PZP: variants seen among roughly 807,000 people sequenced by gnomAD.
PZP encodes PZP alpha-2-macroglobulin like.
In PZP, 150 loss-of-function variants were observed where a neutral mutation model predicts 179.8. The ratio of observed to expected loss-of-function variants is 0.83; its 90% CI spans 0.73 to 0.96. The LOEUF is 0.96. PZP is among the 40% of genes least tolerant of loss of function. The pLI is 0.00. For synonymous variants in PZP, 624 were observed against 652.3 expected, an observed-to-expected ratio of 0.96 and a Z score of 0.66; for missense variants, 1,689 against 1,764.0, an observed-to-expected ratio of 0.96 and a Z score of 0.76.
intron 14 of PZP, 105 bp downstream of exon 14, chr12:9,181,870 G>A (rs977491387): frequency 1.6e-6 from 2 of 1,269,404 alleles, no homozygotes; most frequent in South Asian, 1.6e-5. Flanking sequence ...GAACTGTTGG[G>A]CAACTCATTT....
At chr12:9,190,805 A>G (rs749959817) in intron 13 of PZP, among the ~76,000 whole-genome samples, 38 of 152,220 alleles carry the variant, frequency 2.5e-4, no homozygotes, top group Non-Finnish European at 5.0e-4. Context: ...AATAATTTGG[A>G]CAGTATGAAG....
intron 15 of PZP, among the ~76,000 whole-genome samples, chr12:9,174,449 A>G (rs1337628550): frequency 6.6e-6 from 1 of 152,228 alleles, no homozygotes; most frequent in African/African-American, 2.4e-5. Flanking sequence ...CCCATTCAAC[A>G]TAGTATTGGA....
chr12:9,171,085 A>G lies in PZP; in HGVS notation c.1840-1494T>C, dbSNP rs80250390. On this transcript the variant is annotated intron_variant, in intron 15 of 35. Transcript: ENST00000261336. ...CAATGAGGGTCTCCAGCCACCTCCAACAGTTGCATGTGGGCTGGCAACAAG... is the reference window on the plus strand; with the variant it reads ...CAATGAGGGTCTCCAGCCACCTCCAGCAGTTGCATGTGGGCTGGCAACAAG... Among the ~76,000 whole-genome samples, 327 of 152,248 alleles carry G rather than the reference A, an allele frequency of 2.1e-3. 2 individuals carry two copies. Among genetic ancestry groups the G allele is most frequent in the South Asian group, 5.6e-3 (27 of 4,820 alleles).
chr12:9,181,680 T>A (rs950350641), intron 14 of PZP, among the ~76,000 whole-genome samples: 1 of 152,220 alleles, frequency 6.6e-6, no homozygotes, highest in African/African-American at 2.4e-5. Flanking sequence ...TGTTTACACT[T>A]ATTCTTCAGG....
Position 9,201,026 on chromosome 12 carries a change from C to T in PZP, c.536G>A (p.Ser179Asn). The change falls in exon 6 of 36, where the codon AGT becomes AAT. Residue 179 changes from serine to asparagine, a missense_variant. Physicochemically the swap from Ser to Asn is conservative, Grantham distance 46 (BLOSUM62 1). Transcript: ENST00000261336. ...ATTGATGCCAGCTTCTAGCTTGAGACTCTGCCATTGTGCAATTCGATTTCT... is the reference window on the plus strand; with the variant it reads ...ATTGATGCCAGCTTCTAGCTTGAGATTCTGCCATTGTGCAATTCGATTTCT... Reference protein sequence around the residue: ...PRRNRIAQWQSLKLEAGINQL... With the variant: ...PRRNRIAQWQNLKLEAGINQL... 6.2e-7 allele frequency: 1 copy of T among 1,614,074 alleles called. No individual in the cohort carries two copies. The highest frequency in any genetic ancestry group is 8.5e-7 in the Non-Finnish European group (1 of 1,179,974).
intron 12 of PZP, 126 bp from the exon 13 acceptor site, chr12:9,192,382 T>A (rs1565657954): frequency 7.8e-7 from 1 of 1,279,336 alleles, no homozygotes; most frequent in African/African-American, 1.5e-5. Context: ...AGAAAACTCA[T>A]GGAATGAAGG....
At chr12:9,207,889 A>C (rs981217713) in intron 1 of PZP, among the ~76,000 whole-genome samples, 8 of 152,268 alleles carry the variant, frequency 5.3e-5, no homozygotes, top group African/African-American at 1.9e-4. Flanking sequence ...AAGGAGCTAT[A>C]CTTTCTGTAT....
intron 2 of PZP, 60 bp from the exon 3 acceptor site, chr12:9,202,744 T>G: frequency 6.7e-7 from 1 of 1,490,870 alleles, no homozygotes. Flanking sequence ...CTCTGCATTC[T>G]TCAGTCATTG....
rs1224567480 is a variant in PZP at position 9,160,281 on chromosome 12, G to A, written c.3049+33C>T. ...CTTAATTGGGAAAAGTTTCATTAGAGTAACAAAGTAAATTTTTCTCTGTCT... is the reference window on the plus strand; with the variant it reads ...CTTAATTGGGAAAAGTTTCATTAGAATAACAAAGTAAATTTTTCTCTGTCT... On this transcript the variant is annotated intron_variant, in intron 24 of 35. Transcript: ENST00000261336. The A allele has an allele frequency of 2.7e-5, 42 of 1,570,798 alleles. No individual in the cohort carries two copies. In the Admixed American group the frequency reaches 7.9e-4, roughly 30 times the overall value.
intron 13 of PZP, among the ~76,000 whole-genome samples, chr12:9,188,019 T>C (rs1943232698): frequency 6.6e-6 from 1 of 152,164 alleles, no homozygotes; most frequent in Non-Finnish European, 1.5e-5. Context: ...GGGACTCACA[T>C]AAAAAATAGT....
rs150105784 is a variant in PZP at position 9,185,869 on chromosome 12, A to G, written c.1547-3752T>C. ...TGTCACCAGGCTGGAGTGCAGTGGC[A>G]TGATCTCGGCTCACTGCAACCCCCA... On this transcript the variant is annotated intron_variant, in intron 13 of 35. Transcript: ENST00000261336. 8.7e-3 allele frequency among the ~76,000 whole-genome samples: 1,205 copies of G among 138,262 alleles called. 18 individuals carry two copies. The highest frequency in any genetic ancestry group is 0.034 in the Middle Eastern group (9 of 264). The allele number at this position is 138,262 out of a possible 152,430, so 90.7% of individuals were successfully genotyped here.
At position 9,173,354 on chromosome 12, in the gene PZP, G is replaced by A. The variant is rs187387679; in HGVS notation, c.1840-3763C>T. Among the ~76,000 whole-genome samples the A allele has an allele frequency of 5.3e-5, 8 of 152,310 alleles. No individual in the cohort carries two copies. In the East Asian group the frequency reaches 7.7e-4, roughly 15 times the overall value. On this transcript the variant is annotated intron_variant, in intron 15 of 35. Transcript: ENST00000261336. ...AAGTGGGAAATTTATAGCACTAAGT[G>A]CCTGCATCTAAAAGCTAGAAAGATA...
chr12:9,196,991 G>A, intron 8 of PZP, 21 bp downstream of exon 8: 2 of 1,500,440 alleles, frequency 1.3e-6, no homozygotes, highest in Non-Finnish European at 1.9e-6. Flanking sequence ...ATAGCACTGA[G>A]GGAGAATACC....
chr12:9,160,238 T>C (rs1319645901), intron 24 of PZP, 76 bp downstream of exon 24: 5 of 1,340,186 alleles, frequency 3.7e-6, no homozygotes, highest in African/African-American at 2.9e-5. Context: ...GGGTTAATAT[T>C]TGATGATATA....
chr12:9,186,020 A>C (rs148590911), intron 13 of PZP, among the ~76,000 whole-genome samples: 860 of 151,938 alleles, frequency 5.7e-3, no homozygotes, highest in South Asian at 9.8e-3. Context: ...GTTGGCCAGG[A>C]TGGTCTCGAT....
the PZP span, among the ~76,000 whole-genome samples, chr12:9,136,540 C>CAT: frequency 5.3e-5 from 8 of 151,758 alleles, no homozygotes; most frequent in African/African-American, 9.7e-5. Context: ...TATATGTGTG[C>CAT]ATATATATAT....
chr12:9,144,163 G>A (rs1939881743), downstream of PZP, among the ~76,000 whole-genome samples: 1 of 151,964 alleles, frequency 6.6e-6, no homozygotes, highest in African/African-American at 2.4e-5. Flanking sequence ...AGCCACATGA[G>A]GAAGAGAGAG....
At chr12:9,205,025 G>A (rs943397885) in intron 1 of PZP, among the ~76,000 whole-genome samples, 7 of 152,110 alleles carry the variant, frequency 4.6e-5, no homozygotes, top group South Asian at 2.1e-4. Context: ...TTAAGCCCAC[G>A]AGGTTGAGGC....
At chr12:9,166,278 A>G in intron 17 of PZP, 76 bp from the exon 18 acceptor site, 1 of 1,487,558 alleles carries the variant, frequency 6.7e-7, no homozygotes. Context: ...ACGTTAGAGA[A>G]CAAAATTTTC....
Sources: gnomAD v4.1 joint callset for allele counts (sites outside exome capture counted in the v4.1 genomes callset) on GRCh38, gnomAD v4.1.1 for gene constraint, MANE v1.5 for transcripts, NCBI Gene and HGNC (gene_info 2026-07-23, HGNC 2026-07-21) for gene names.